Variants in EDRF1 observed in about 807,000 individuals in gnomAD.
EDRF1 encodes the protein erythroid differentiation regulatory factor 1.
Under a neutral mutation model 148.7 loss-of-function variants are expected in EDRF1, and 69 were observed. That is an observed-to-expected ratio of 0.46 (90% CI 0.38 to 0.57). The LOEUF (loss-of-function observed/expected upper bound fraction) is 0.57, where lower values mean the gene tolerates loss of function less well. EDRF1 is among the 20% of genes least tolerant of loss of function. The probability of loss-of-function intolerance (pLI) is 0.00; values close to 1 mark genes in which losing one functional copy is unlikely to be tolerated. For synonymous variants in EDRF1, 515 were observed against 532.8 expected (o/e 0.97, Z 0.46); for missense variants, 1,118 against 1,478.7 (o/e 0.76, Z 4.00).
chr10:125,719,962 G>A, intron 1 of EDRF1, 47 bp downstream of exon 1: 2 of 1,541,418 alleles, frequency 1.3e-6, no homozygotes, highest in Non-Finnish European at 8.9e-7. Flanking sequence ...GGGAGCGGAG[G>A]ACCCGCTCCA....
chr10:125,763,196 G>A lies in EDRF1; in HGVS notation c.3546-105G>A. On this transcript the variant is annotated intron_variant, in intron 24 of 24. Transcript: ENST00000356792. The surrounding 1 kb of genome is among the most constrained non-coding windows in gnomAD (Gnocchi z 4.3). ...GCAGGAGAGGAATGCCTGCTGCTCT[G>A]TGAAGAGTGACTGTTGGGCTGTCAC... The A allele has an allele frequency of 8.7e-7, 1 of 1,149,146 alleles. No homozygotes were observed. The allele number at this position is 1,149,146 out of a possible 1,614,324, so 71.2% of individuals were successfully genotyped here.
At chr10:125,753,566 T>C in intron 23 of EDRF1, 128 bp from the exon 24 acceptor site, 1 of 1,036,316 alleles carries the variant, frequency 9.6e-7, no homozygotes, top group Non-Finnish European at 1.5e-6. Flanking sequence ...AGGTGTGCTT[T>C]TTGTTTGTTT....
chr10:125,747,760 G>C, intron 20 of EDRF1, 66 bp downstream of exon 20: 2 of 1,610,516 alleles, frequency 1.2e-6, no homozygotes, highest in Non-Finnish European at 1.7e-6. Flanking sequence ...CAAATATTTA[G>C]CGTCTGTTGT....
chr10:125,720,057 C>G (rs1179967906), intron 1 of EDRF1, 142 bp downstream of exon 1: 2 of 689,884 alleles, frequency 2.9e-6, no homozygotes, highest in Admixed American at 6.0e-5. Flanking sequence ...AGTTGAAGTC[C>G]ATGCTCCAGT....
chr10:125,757,639 A>G (rs572718494), intron 24 of EDRF1, among the ~76,000 whole-genome samples: 36 of 152,336 alleles, frequency 2.4e-4, no homozygotes, highest in Middle Eastern at 6.8e-3. Context: ...AATGAATTCT[A>G]TCTTTTCAAT....
rs557082870 is a variant in EDRF1 at position 125,748,442 on chromosome 10, T to C, written c.3123+430T>C. 76 of 232,462 alleles carry C rather than the reference T, an allele frequency of 3.3e-4. 1 individual carries two copies. The highest frequency in any genetic ancestry group is 1.6e-3 in the African/African-American group (72 of 43,840). The allele number at this position is 232,462 out of a possible 1,614,324, so 14.4% of individuals were successfully genotyped here. A position where few individuals can be genotyped will look rare whatever the true frequency, so the allele number is the denominator to read the frequency against. On this transcript the variant is annotated intron_variant, in intron 21 of 24. Transcript: ENST00000356792. ...AATCTAGTGCCAGCAGGATTGTACATGAATCCTGGTGCCCAAATGCCTGTA... is the reference window on the plus strand; with the variant it reads ...AATCTAGTGCCAGCAGGATTGTACACGAATCCTGGTGCCCAAATGCCTGTA...
In EDRF1 at chr10:125,735,910, C is replaced by A. The variant is rs1173575303; in HGVS notation, c.1758+6C>A. The A allele has an allele frequency of 6.3e-7, 1 of 1,598,820 alleles. No homozygotes were observed. The highest frequency in any genetic ancestry group is 1.1e-5 in the South Asian group (1 of 89,006). ...AATCTATTCATCAAATCAGAGTAAG[C>A]CTTTAGAATTTATATTAAATTTTTA... is the stretch of plus-strand genomic sequence containing the variant. On this transcript the variant is annotated splice_donor_region_variant and intron_variant, in intron 13 of 24. Coordinates refer to ENST00000356792, the MANE Select transcript of EDRF1 (RefSeq NM_001202438.2).
At position 125,735,945 on chromosome 10, in the gene EDRF1, CAT is replaced by C. The variant is rs1386413607; in HGVS notation, c.1758+43_1758+44del. 2.6e-6 allele frequency: 4 copies of C among 1,536,044 alleles called. No individual in the cohort carries two copies. The South Asian group carries it at 3.4e-5, about 13-fold the overall frequency. On this transcript the variant is annotated intron_variant, in intron 13 of 24. Transcript: ENST00000356792. ...TTATATTAAATTTTTATCAAGGAAA[CAT>C]AATTGTTAATCGAATATAGTTAGCC...
intron 22 of EDRF1, chr10:125,751,779 C>T (rs575482160): frequency 2.0e-5 from 3 of 152,178 alleles, no homozygotes; most frequent in Non-Finnish European, 4.4e-5. Flanking sequence ...CTGCTTACAG[C>T]CACAATTTCT....
In EDRF1 at chr10:125,729,473, G is replaced by A. The variant is rs1848403310; in HGVS notation, c.1010G>A (p.Arg337His). 7 of 1,614,110 alleles carry A rather than the reference G, an allele frequency of 4.3e-6. No individual in the cohort carries two copies. Among genetic ancestry groups the A allele is most frequent in the South Asian group, 1.1e-5 (1 of 91,084 alleles). Residue 337 changes from arginine (R) to histidine (H), a missense_variant, in exon 8 of 25, where the codon CGT becomes CAT. This residue lies in a region of EDRF1 where 954 missense variants were observed against 1,241.4 expected (regional missense o/e 0.77). Transcript: ENST00000356792. ...GGCAGATACCCAGCAGTCAGCTTAC[G>A]TCTCAGGTGAACTAACATCATACCC... ...GGGRYPAVSL[R>H]LRDNNKPINV...
chr10:125,721,078 G>A, intron 1 of EDRF1, 126 bp from the exon 2 acceptor site: 1 of 875,274 alleles, frequency 1.1e-6, no homozygotes, highest in East Asian at 2.4e-5. Context: ...ATTAAGTGCT[G>A]TTAGTAACAT....
chr10:125,734,560 A>G (rs1030449398), intron 12 of EDRF1, among the ~76,000 whole-genome samples: 1 of 152,156 alleles, frequency 6.6e-6, no homozygotes, highest in Non-Finnish European at 1.5e-5. Context: ...TGCTCAATGA[A>G]TTTAGAATTC....
intron 24 of EDRF1, among the ~76,000 whole-genome samples, chr10:125,755,281 G>C (rs939508878): frequency 3.3e-5 from 5 of 152,286 alleles, no homozygotes; most frequent in Non-Finnish European, 7.4e-5. Flanking sequence ...CCCTTGTTTA[G>C]CCTTGTTTAG....
intron 12 of EDRF1, among the ~76,000 whole-genome samples, chr10:125,734,511 T>G (rs1177783177): frequency 2.6e-5 from 4 of 152,146 alleles, no homozygotes; most frequent in African/African-American, 9.6e-5. Flanking sequence ...ATTTAAAATT[T>G]CTGTATGTGA....
chr10:125,723,365 A>G (rs1477985368), intron 3 of EDRF1, among the ~76,000 whole-genome samples: 1 of 152,222 alleles, frequency 6.6e-6, no homozygotes, highest in East Asian at 1.9e-4. Flanking sequence ...GGCAGTGGTA[A>G]TAATATATTG....
chr10:125,726,267 A>G (rs1417901950), intron 6 of EDRF1, among the ~76,000 whole-genome samples: 1 of 152,190 alleles, frequency 6.6e-6, no homozygotes, highest in Non-Finnish European at 1.5e-5. Context: ...ACCCATTTGT[A>G]ATTTAAGTTC....
chr10:125,760,926 G>A (rs1850163068), intron 24 of EDRF1, among the ~76,000 whole-genome samples: 3 of 152,206 alleles, frequency 2.0e-5, no homozygotes, highest in Non-Finnish European at 4.4e-5. Flanking sequence ...TTGATTTAAA[G>A]TATATAGGAA....
chr10:125,747,195 C>T, intron 19 of EDRF1: 1 of 219,414 alleles, frequency 4.6e-6, no homozygotes, highest in Non-Finnish European at 9.0e-6. Flanking sequence ...ATCTAATTTA[C>T]TAGTTATATA....
intron 24 of EDRF1, chr10:125,761,157 T>A: frequency 3.0e-6 from 1 of 337,232 alleles, no homozygotes; most frequent in South Asian, 2.4e-5. Flanking sequence ...TTAAGTTTAT[T>A]AGATTCCTAT....
Sources: allele counts gnomAD v4.1 joint callset (sites outside exome capture counted in the v4.1 genomes callset), GRCh38; gene constraint gnomAD v4.1.1; regional missense constraint gnomAD v4.1.1; non-coding constraint Gnocchi (gnomAD v3.1); transcripts MANE v1.5; gene names NCBI Gene and HGNC (gene_info 2026-07-23, HGNC 2026-07-21).